Variants in AGBL4 observed in about 807,000 individuals in gnomAD.
AGBL4 encodes the protein AGBL carboxypeptidase 4, also known as cytosolic carboxypeptidase 6.
A neutral mutation model predicts 66.4 loss-of-function variants in AGBL4; 58 were observed. The observed-to-expected ratio is 0.87, with a 90% CI of 0.71 to 1.09. The LOEUF (loss-of-function observed/expected upper bound fraction) is 1.09, where lower values mean the gene tolerates loss of function less well. Ranked by LOEUF, AGBL4 falls within the 50% of genes least tolerant of loss-of-function variation. The probability of loss-of-function intolerance (pLI) is 0.00; values close to 1 mark genes in which losing one functional copy is unlikely to be tolerated. For synonymous variants in AGBL4, 234 were observed against 222.9 expected, an observed-to-expected ratio of 1.05 and a Z score of -0.44; for missense variants, 579 against 631.0, an observed-to-expected ratio of 0.92 and a Z score of 0.88.
intron 6 of AGBL4, among the ~76,000 whole-genome samples, chr1:48,752,704 C>T (rs1231241634): frequency 6.6e-6 from 1 of 152,152 alleles, no homozygotes; most frequent in Non-Finnish European, 1.5e-5. Context: ...CTACTGAGCA[C>T]CTACTATATG....
intron 2 of AGBL4, among the ~76,000 whole-genome samples, chr1:49,850,261 G>C (rs569917414): frequency 6.6e-6 from 1 of 152,300 alleles, no homozygotes; most frequent in South Asian, 2.1e-4. Flanking sequence ...TGAAGGCAGA[G>C]ATTAGAGTGA....
intron 6 of AGBL4, among the ~76,000 whole-genome samples, chr1:48,675,224 C>T (rs866742566): frequency 1.2e-4 from 19 of 152,320 alleles, no homozygotes; most frequent in East Asian, 5.8e-4. Context: ...CTGCCATCCT[C>T]ATCCCCAGCC....
chr1:49,289,916 C>T (rs892788695), intron 3 of AGBL4, among the ~76,000 whole-genome samples: 1 of 151,908 alleles, frequency 6.6e-6, no homozygotes, highest in African/African-American at 2.4e-5. Flanking sequence ...AAAAGATTTT[C>T]TTTAAAAGGG....
intron 6 of AGBL4, among the ~76,000 whole-genome samples, chr1:48,795,162 C>T (rs1032909003): frequency 6.6e-6 from 1 of 152,188 alleles, no homozygotes; most frequent in African/African-American, 2.4e-5. Flanking sequence ...CTTCCCAATG[C>T]ATTCCCTAAA....
chr1:49,676,838 A>C (rs550474186), intron 3 of AGBL4, among the ~76,000 whole-genome samples: 2 of 152,196 alleles, frequency 1.3e-5, no homozygotes, highest in Admixed American at 1.3e-4. Flanking sequence ...GGCCTGGCTA[A>C]CCATAGATAG....
intron 13 of AGBL4, 51 bp downstream of exon 13, chr1:48,534,839 C>T: frequency 6.6e-7 from 1 of 1,523,794 alleles, no homozygotes; most frequent in Non-Finnish European, 8.9e-7. Context: ...CCCTGGAGCA[C>T]ATGCATGGTA....
chr1:48,794,515 C>T (rs1645623325), intron 6 of AGBL4, among the ~76,000 whole-genome samples: 1 of 152,210 alleles, frequency 6.6e-6, no homozygotes, highest in African/African-American at 2.4e-5. Flanking sequence ...AACCCCACTG[C>T]AGTCTAGCCT....
intron 3 of AGBL4, among the ~76,000 whole-genome samples, chr1:49,366,802 T>A (rs190545656): frequency 6.6e-6 from 1 of 152,180 alleles, no homozygotes; most frequent in Non-Finnish European, 1.5e-5. Context: ...TGCTAGATAA[T>A]AGAGTCTTGC....
At chr1:48,683,109 C>T (rs1646479336) in intron 6 of AGBL4, among the ~76,000 whole-genome samples, 2 of 152,198 alleles carry the variant, frequency 1.3e-5, no homozygotes, top group Admixed American at 6.5e-5. Context: ...AGACACCTCA[C>T]TCAACTTCAG....
At chr1:49,973,303 T>A (rs1040068734) in intron 1 of AGBL4, among the ~76,000 whole-genome samples, 1 of 152,132 alleles carries the variant, frequency 6.6e-6, no homozygotes, top group Non-Finnish European at 1.5e-5. Context: ...TTCCAATCAT[T>A]TAGAGCTGTG....
At chr1:49,222,648 C>T (rs1649587219) in intron 4 of AGBL4, among the ~76,000 whole-genome samples, 1 of 152,062 alleles carries the variant, frequency 6.6e-6, no homozygotes, top group African/African-American at 2.4e-5. Context: ...AAAACAAATC[C>T]TGTGAAAGCC....
In AGBL4 at chr1:48,587,155, G is replaced by A. The variant is rs1644835895; in HGVS notation, c.1116C>T (p.Ser372=). The change falls in exon 11 of 14, where the codon TCC becomes TCT. Residue 372 remains serine, a synonymous_variant. Transcript: ENST00000371839. ...NAEDFSYSST[S]FNRDAVKAGT... is the part of the protein sequence containing the mutation. ...CTGCTTTCACAGCGTCCCGGTTAAA[G>A]GATGTGCTGGACTGTGAAAGACAGA... 4 of 1,553,288 alleles carry A rather than the reference G, an allele frequency of 2.6e-6. No individual in the cohort carries two copies. Among genetic ancestry groups the A allele is most frequent in the Non-Finnish European group, 1.7e-6 (2 of 1,148,136 alleles).
At chr1:49,203,444 A>G (rs1471458349) in intron 4 of AGBL4, among the ~76,000 whole-genome samples, 1 of 152,226 alleles carries the variant, frequency 6.6e-6, no homozygotes, top group Non-Finnish European at 1.5e-5. Context: ...GCCTTAAAAA[A>G]GTTAGGAATC....
At chr1:49,543,327 C>A (rs1435168912) in intron 3 of AGBL4, among the ~76,000 whole-genome samples, 1 of 152,086 alleles carries the variant, frequency 6.6e-6, no homozygotes, top group Admixed American at 6.6e-5. Context: ...GTGTTCTAGT[C>A]CCTGCTCTAC....
intron 3 of AGBL4, among the ~76,000 whole-genome samples, chr1:49,324,215 C>G (rs1381207826): frequency 6.6e-6 from 1 of 152,230 alleles, no homozygotes; most frequent in Non-Finnish European, 1.5e-5. Context: ...GCATTAATCA[C>G]CAGAGAATGT....
At chr1:49,359,395 TTAAG>T (rs1407243220) in intron 3 of AGBL4, among the ~76,000 whole-genome samples, 2 of 152,204 alleles carry the variant, frequency 1.3e-5, no homozygotes, top group African/African-American at 4.8e-5. Flanking sequence ...TTTAATATAA[TTAAG>T]TGTGTAAAAG....
intron 2 of AGBL4, among the ~76,000 whole-genome samples, chr1:49,835,472 T>C (rs1457735846): frequency 6.6e-6 from 1 of 152,166 alleles, no homozygotes; most frequent in Admixed American, 6.6e-5. Flanking sequence ...TGTCTTTGCA[T>C]GTGAGACGGG....
intron 2 of AGBL4, among the ~76,000 whole-genome samples, chr1:49,742,672 C>A (rs1386838068): frequency 4.6e-5 from 7 of 152,050 alleles, no homozygotes; most frequent in Non-Finnish European, 8.8e-5. Flanking sequence ...CTACAGTAAC[C>A]AAAACAGCAT....
chr1:48,546,864 A>ACAC (rs1553185398), intron 11 of AGBL4, among the ~76,000 whole-genome samples: 4,772 of 128,316 alleles, frequency 0.037, 311 homozygotes, highest in African/African-American at 0.13. Flanking sequence ...AAAACAAACA[A>ACAC]ACACACACAC....
Sources: allele counts gnomAD v4.1 joint callset (sites outside exome capture counted in the v4.1 genomes callset), GRCh38; gene constraint gnomAD v4.1.1; transcripts MANE v1.5; gene names NCBI Gene and HGNC (gene_info 2026-07-23, HGNC 2026-07-21).